ZNF827: variants seen among roughly 807,000 people sequenced by gnomAD.
ZNF827 encodes the protein zinc finger protein 827.
In ZNF827, 13 loss-of-function variants were observed where a neutral mutation model predicts 102.4. That is an observed-to-expected ratio of 0.13 (90% CI 0.08 to 0.20). The LOEUF (loss-of-function observed/expected upper bound fraction) is 0.20. ZNF827 is among the 10% of genes least tolerant of loss of function. The probability of loss-of-function intolerance (pLI) is 1.00; values close to 1 mark genes in which losing one functional copy is unlikely to be tolerated. For synonymous variants in ZNF827, 523 were observed against 536.2 expected, an observed-to-expected ratio of 0.98 and a Z score of 0.34; for missense variants, 1,103 against 1,344.4, an observed-to-expected ratio of 0.82 and a Z score of 2.81.
At position 145,779,315 on chromosome 4, in the gene ZNF827, G is replaced by A. The variant is rs978127387; in HGVS notation, c.2521+59C>T. 10 of 1,567,384 alleles carry A rather than the reference G, an allele frequency of 6.4e-6. No homozygotes were observed. The Admixed American group carries it at 9.7e-5, about 15-fold the overall frequency. On this transcript the variant is annotated intron_variant, in intron 9 of 14. Coordinates refer to ENST00000508784, the MANE Select transcript of ZNF827 (RefSeq NM_001306215.2). Reference sequence around the variant, plus strand: ...CTCTTAGAGAAACTCAGTTTCCGGAGAGTAAAGAAGTTGGTGATGGAGCAT... The same window carrying A: ...CTCTTAGAGAAACTCAGTTTCCGGAAAGTAAAGAAGTTGGTGATGGAGCAT...
At chr4:145,846,652 A>G (rs1211507600) in intron 6 of ZNF827, among the ~76,000 whole-genome samples, 3 of 138,936 alleles carry the variant, frequency 2.2e-5, no homozygotes, top group African/African-American at 5.6e-5. Flanking sequence ...ACCCGTCTCT[A>G]CTAAAAATAC....
In ZNF827 at chr4:145,925,173, G is replaced by A. The variant is rs368807459; in HGVS notation, c.43+13192C>T. 1.9e-4 allele frequency among the ~76,000 whole-genome samples: 29 copies of A among 152,206 alleles called. No homozygotes were observed. In the East Asian group the frequency reaches 3.1e-3, roughly 16 times the overall value. ...AGAACACCACAGGAAAGACCCATCCGCATGATTCAATTACCTCGCACTAGA... is the reference window on the plus strand; with the variant it reads ...AGAACACCACAGGAAAGACCCATCCACATGATTCAATTACCTCGCACTAGA... On this transcript the variant is annotated intron_variant, in intron 1 of 14. Coordinates refer to ENST00000508784, the MANE Select transcript of ZNF827 (RefSeq NM_001306215.2).
Position 145,802,160 on chromosome 4 carries a change from T to TA in ZNF827, c.2383+21261dup, listed in dbSNP as rs532108405. ...CAATTAAATGGCTAAATGCAGAATT[T>TA]AAAAAATTTCTTCTCTTTCCTCCCA... On this transcript the variant is annotated intron_variant, in intron 8 of 14. Coordinates refer to ENST00000508784, the MANE Select transcript of ZNF827 (RefSeq NM_001306215.2). Among the ~76,000 whole-genome samples the TA allele has an allele frequency of 1.7e-3, 266 of 152,298 alleles. 1 individual carries two copies. The highest frequency in any genetic ancestry group is 6.2e-3 in the African/African-American group (258 of 41,574).
At chr4:145,770,837 T>C (rs1245485718) in intron 11 of ZNF827, among the ~76,000 whole-genome samples, 1 of 152,200 alleles carries the variant, frequency 6.6e-6, no homozygotes, top group Non-Finnish European at 1.5e-5. Flanking sequence ...GATTACTGGG[T>C]CACAGGGCAT....
At chr4:145,796,576 T>C (rs1439020980) in intron 8 of ZNF827, among the ~76,000 whole-genome samples, 1 of 151,484 alleles carries the variant, frequency 6.6e-6, no homozygotes, top group Non-Finnish European at 1.5e-5. Flanking sequence ...TAATGATGAG[T>C]CAAGCACTCT....
In ZNF827 at chr4:145,775,937, A is replaced by G. The variant is rs1737011073; in HGVS notation, c.2545T>C (p.Leu849=). 1.2e-6 allele frequency: 2 copies of G among 1,614,126 alleles called. No homozygotes were observed. Among genetic ancestry groups the G allele is most frequent in the South Asian group, 1.1e-5 (1 of 91,094 alleles). Residue 849 remains leucine, a synonymous_variant, in exon 10 of 15, where the codon TTG becomes CTG. Coordinates refer to ENST00000508784, the MANE Select transcript of ZNF827 (RefSeq NM_001306215.2). ...HTEERKYKCH[L]CPYAAKCRAN... is the part of the protein sequence containing the mutation. ...CGGCACTTAGCAGCATAGGGGCACA[A>G]GTGGCATTTGTATTTTCTTTCCTCT...
intron 8 of ZNF827, among the ~76,000 whole-genome samples, chr4:145,796,786 C>T (rs980546504): frequency 2.6e-5 from 4 of 152,066 alleles, no homozygotes; most frequent in Non-Finnish European, 5.9e-5. Flanking sequence ...CCCGCTACCA[C>T]GCCTGGCTAA....
chr4:145,917,409 T>C (rs972684784), intron 1 of ZNF827, among the ~76,000 whole-genome samples: 1 of 152,106 alleles, frequency 6.6e-6, no homozygotes, highest in African/African-American at 2.4e-5. Flanking sequence ...AGGTATCACT[T>C]GGAGACAGAG....
At chr4:145,852,005 A>C (rs1057146481) in intron 5 of ZNF827, among the ~76,000 whole-genome samples, 2 of 152,046 alleles carry the variant, frequency 1.3e-5, no homozygotes, top group African/African-American at 4.8e-5. Context: ...TTCCCTCATC[A>C]TGCTTCCCCA....
chr4:145,908,506 C>T (rs947659118), intron 1 of ZNF827, among the ~76,000 whole-genome samples: 4 of 152,210 alleles, frequency 2.6e-5, no homozygotes, highest in South Asian at 4.1e-4. Flanking sequence ...CCTACTAATA[C>T]ACTTCTATAG....
chr4:145,862,103 G>A (rs897514801), intron 5 of ZNF827, among the ~76,000 whole-genome samples: 4 of 152,196 alleles, frequency 2.6e-5, no homozygotes, highest in Non-Finnish European at 5.9e-5. Flanking sequence ...CAGGTGTACG[G>A]GTTTGAGGAT....
At chr4:145,932,978 G>A (rs568758869) in intron 1 of ZNF827, among the ~76,000 whole-genome samples, 1 of 152,232 alleles carries the variant, frequency 6.6e-6, no homozygotes, top group Admixed American at 6.5e-5. Context: ...TCTAACACTG[G>A]CCGAAAGCTG....
chr4:145,768,948 ATGG>A (rs1380296022), intron 11 of ZNF827, among the ~76,000 whole-genome samples: 1 of 129,034 alleles, frequency 7.7e-6, no homozygotes, highest in Non-Finnish European at 1.6e-5. Context: ...TAGAGCTGTA[ATGG>A]TGGGTTACAT....
At position 145,885,832 on chromosome 4, in the gene ZNF827, G is replaced by A. The variant is rs1750075359; in HGVS notation, c.1593C>T (p.Gly531=). The part of the protein sequence containing the change: ...LVKEEPKEDN[G]LPTSFTLNAA... Reference sequence around the variant, plus strand: ...CATTCAAAGTAAAGGAGGTGGGCAGGCCGTTATCTTCCTTGGGTTCCTCCT... The same window carrying A: ...CATTCAAAGTAAAGGAGGTGGGCAGACCGTTATCTTCCTTGGGTTCCTCCT... The change falls in exon 4 of 15, where the codon GGC becomes GGT. Residue 531 remains glycine (G), a synonymous_variant. Coordinates refer to ENST00000508784, the MANE Select transcript of ZNF827 (RefSeq NM_001306215.2). The A allele has an allele frequency of 1.2e-6, 2 of 1,614,198 alleles. No homozygotes were observed. Among genetic ancestry groups the A allele is most frequent in the Non-Finnish European group, 1.7e-6 (2 of 1,180,014 alleles).
rs1362146031 is a variant in ZNF827 at position 145,765,408 on chromosome 4, A to C, written c.3052+139T>G. 8.8e-7 allele frequency: 1 copy of C among 1,140,232 alleles called. No homozygotes were observed. Among genetic ancestry groups the C allele is most frequent in the Non-Finnish European group, 1.2e-6 (1 of 822,164 alleles). 70.6% of individuals were successfully genotyped at this position (1,140,232 alleles called of 1,614,324 possible). A position where few individuals can be genotyped will look rare whatever the true frequency, so the allele number is the denominator to read the frequency against. ...TTCAAATTAAGCCAAAAGAAATACA[A>C]CCTTTAGGTGAGGCCCAGCATACTG... On this transcript the variant is annotated intron_variant, in intron 12 of 14. Coordinates refer to ENST00000508784, the MANE Select transcript of ZNF827 (RefSeq NM_001306215.2). The surrounding 1 kb of genome is among the most constrained non-coding windows in gnomAD (Gnocchi z 4.7).
intron 4 of ZNF827, among the ~76,000 whole-genome samples, chr4:145,873,215 G>A (rs1000373749): frequency 3.9e-5 from 6 of 152,098 alleles, no homozygotes; most frequent in Non-Finnish European, 7.4e-5. Context: ...GATTATAGGC[G>A]TGAGCCGACA....
chr4:145,924,101 G>C (rs148994799), intron 1 of ZNF827, among the ~76,000 whole-genome samples: 1 of 152,316 alleles, frequency 6.6e-6, no homozygotes, highest in African/African-American at 2.4e-5. Context: ...CATCAACATG[G>C]ATAAATCCCA....
At chr4:145,920,901 T>C (rs912857836) in intron 1 of ZNF827, among the ~76,000 whole-genome samples, 4 of 152,370 alleles carry the variant, frequency 2.6e-5, no homozygotes, top group South Asian at 2.1e-4. Context: ...GTTACTGTTA[T>C]GTGCAAGAAT....
At chr4:145,856,350 T>A (rs1200922385) in intron 5 of ZNF827, among the ~76,000 whole-genome samples, 1 of 152,154 alleles carries the variant, frequency 6.6e-6, no homozygotes, top group Non-Finnish European at 1.5e-5. Context: ...TTCTTCTCCA[T>A]GGGAAGTAAT....
Sources: allele counts gnomAD v4.1 joint callset (sites outside exome capture counted in the v4.1 genomes callset), GRCh38; gene constraint gnomAD v4.1.1; non-coding constraint Gnocchi (gnomAD v3.1); transcripts MANE v1.5; gene names NCBI Gene and HGNC (gene_info 2026-07-23, HGNC 2026-07-21).